Variants in CIB4 observed in about 807,000 individuals in gnomAD.
CIB4 encodes calcium and integrin-binding family member 4.
A neutral mutation model predicts 25.8 loss-of-function variants in CIB4; 25 were observed. The observed-to-expected ratio is 0.97, with a 90% confidence interval of 0.71 to 1.35. The LOEUF is 1.35. Among genes scored for constraint, CIB4 ranks in the 40% most tolerant of loss-of-function variants. The pLI is 0.00. For synonymous variants in CIB4, 75 were observed against 81.4 expected (o/e 0.92, Z 0.42); for missense variants, 235 against 228.2 (o/e 1.03, Z -0.19).
chr2:26,632,452 T>C (rs1226930767), intron 2 of CIB4, among the ~76,000 whole-genome samples: 3 of 152,090 alleles, frequency 2.0e-5, no homozygotes, highest in African/African-American at 7.2e-5. Flanking sequence ...AAGTGTCCAG[T>C]GGCCTACAAG....
At chr2:26,636,575 G>C (rs533314282) in intron 2 of CIB4, among the ~76,000 whole-genome samples, 1 of 152,140 alleles carries the variant, frequency 6.6e-6, no homozygotes, top group African/African-American at 2.4e-5. Flanking sequence ...AATTCGTTTT[G>C]CCTCTAGGTT....
chr2:26,603,933 G>A (rs1179434113), intron 3 of CIB4, among the ~76,000 whole-genome samples: 3 of 149,516 alleles, frequency 2.0e-5, no homozygotes, highest in African/African-American at 7.4e-5. Flanking sequence ...AGCCCAGGAG[G>A]CAGAGATTGC....
chr2:26,635,187 A>G (rs1017089776), intron 2 of CIB4, among the ~76,000 whole-genome samples: 17 of 152,230 alleles, frequency 1.1e-4, no homozygotes, highest in African/African-American at 2.7e-4. Flanking sequence ...ATGTGAAAGG[A>G]AAGTCTCATA....
At chr2:26,616,748 A>T (rs1393921107) in intron 3 of CIB4, among the ~76,000 whole-genome samples, 6 of 152,100 alleles carry the variant, frequency 3.9e-5, no homozygotes. Context: ...CTCCTACCAC[A>T]CACATGTACA....
rs550928434 is a variant in CIB4 at position 26,583,335 on chromosome 2, G to A, written c.439-422C>T. Among the ~76,000 whole-genome samples, 101 of 152,320 alleles carry A rather than the reference G, an allele frequency of 6.6e-4. 1 individual carries two copies. Among genetic ancestry groups the A allele is most frequent in the African/African-American group, 2.0e-3 (83 of 41,566 alleles). ...TTCTGAAAGCAGAGATCCATGCCCT[G>A]ACTTGAGTTTGCAGGGCCGTCCTCG... On this transcript the variant is annotated intron_variant, in intron 5 of 6. Transcript: ENST00000288861.
chr2:26,617,026 C>T (rs1226358593), intron 3 of CIB4, among the ~76,000 whole-genome samples: 1 of 152,088 alleles, frequency 6.6e-6, no homozygotes, highest in Non-Finnish European at 1.5e-5. Context: ...ATGGTCACTC[C>T]CAGCCTCCCC....
chr2:26,606,787 T>C (rs1331843197), intron 3 of CIB4, among the ~76,000 whole-genome samples: 1 of 152,126 alleles, frequency 6.6e-6, no homozygotes, highest in East Asian at 1.9e-4. Flanking sequence ...CCCCTGTGTT[T>C]GAGATGCTCA....
chr2:26,607,190 G>A (rs898364352), intron 3 of CIB4, among the ~76,000 whole-genome samples: 1 of 152,170 alleles, frequency 6.6e-6, no homozygotes, highest in Non-Finnish European at 1.5e-5. Flanking sequence ...GCAGTGGAGC[G>A]AGCAGAGGCT....
intron 2 of CIB4, among the ~76,000 whole-genome samples, chr2:26,634,778 G>A (rs910104361): frequency 2.0e-5 from 3 of 152,354 alleles, no homozygotes; most frequent in East Asian, 3.9e-4. Context: ...ACCTCCAGAG[G>A]TTCTAGGAAG....
chr2:26,630,217 C>T (rs2586890), intron 2 of CIB4, among the ~76,000 whole-genome samples: 1 of 152,146 alleles, frequency 6.6e-6, no homozygotes, highest in African/African-American at 2.4e-5. Flanking sequence ...GGGAGCTCTG[C>T]CTCAGGCTAA....
intron 3 of CIB4, among the ~76,000 whole-genome samples, chr2:26,619,800 C>T (rs948505520): frequency 6.7e-6 from 1 of 150,124 alleles, no homozygotes; most frequent in South Asian, 2.1e-4. Context: ...AACCAAAGCC[C>T]ACAGCGGGGA....
intron 4 of CIB4, among the ~76,000 whole-genome samples, chr2:26,588,991 T>TTCTTCTTCTTCC (rs1558554522): frequency 1.8e-3 from 11 of 6,082 alleles, no homozygotes; most frequent in African/African-American, 5.1e-3. Flanking sequence ...CTTCTTCTTC[T>TTCTTCTTCTTCC]TCTTCTTCTT....
At chr2:26,613,872 G>A (rs1043300180) in intron 3 of CIB4, among the ~76,000 whole-genome samples, 7 of 152,214 alleles carry the variant, frequency 4.6e-5, no homozygotes, top group African/African-American at 1.7e-4. Context: ...CTCTGCACCT[G>A]GGTGAATGTG....
rs527637568 is a variant in CIB4 at position 26,625,934 on chromosome 2, G to T, written c.186+3476C>A. ...GTATAAGGTATAAGGAAGGCATCTG[G>T]TTTCACATTTTCTGCATATGGCTAG... On this transcript the variant is annotated intron_variant, in intron 3 of 6. Coordinates refer to ENST00000288861, the MANE Select transcript of CIB4 (RefSeq NM_001029881.3). Among the ~76,000 whole-genome samples, 3 of 152,254 alleles carry T rather than the reference G, an allele frequency of 2.0e-5. No individual in the cohort carries two copies. The South Asian group carries it at 6.2e-4, about 32-fold the overall frequency.
intron 3 of CIB4, among the ~76,000 whole-genome samples, chr2:26,610,643 A>G (rs1448505582): frequency 6.6e-6 from 1 of 152,144 alleles, no homozygotes; most frequent in African/African-American, 2.4e-5. Context: ...CACCTTATCT[A>G]TACCTTCCCT....
intron 2 of CIB4, among the ~76,000 whole-genome samples, chr2:26,635,170 C>A (rs17005539): frequency 0.022 from 3,365 of 152,302 alleles, 127 homozygotes; most frequent in African/African-American, 0.077. Flanking sequence ...TTGCTGAGAT[C>A]AAAAACATGT....
chr2:26,600,566 T>C lies in CIB4; in HGVS notation c.187-5249A>G, dbSNP rs561913099. The stretch of plus-strand genomic sequence containing the variant: ...AGGTCAGTCCTTCCTCAGTCTTGAG[T>C]GGAGTCCTCAGTTTACCTGAAGCAC... On this transcript the variant is annotated intron_variant, in intron 3 of 6. Transcript: ENST00000288861. 3.3e-5 allele frequency among the ~76,000 whole-genome samples: 5 copies of C among 152,276 alleles called. No homozygotes were observed. The East Asian group carries it at 9.6e-4, about 29-fold the overall frequency.
chr2:26,614,919 C>T (rs533902085), intron 3 of CIB4, among the ~76,000 whole-genome samples: 4 of 152,336 alleles, frequency 2.6e-5, no homozygotes, highest in African/African-American at 9.6e-5. Flanking sequence ...ATGCGCCCTG[C>T]TCTTGGGAGC....
rs145900028 is a variant in CIB4, at chr2:26,627,521, C to T, written c.186+1889G>A. On this transcript the variant is annotated intron_variant, in intron 3 of 6. Coordinates refer to ENST00000288861, the MANE Select transcript of CIB4 (RefSeq NM_001029881.3). The surrounding 1 kb of genome is among the most constrained non-coding windows in gnomAD (Gnocchi z 4.0). ...CTGCCTGTCTGGCTGGCCCTGACCC[C>T]GGGTCCCTTAGTGGATGGCCTGGGT... is the stretch of plus-strand genomic sequence containing the variant. Among the ~76,000 whole-genome samples, 154 of 152,250 alleles carry T rather than the reference C, an allele frequency of 1.0e-3. 1 individual carries two copies. The highest frequency in any genetic ancestry group is 3.5e-3 in the African/African-American group (145 of 41,534).
Sources: allele counts gnomAD v4.1 joint callset (sites outside exome capture counted in the v4.1 genomes callset), GRCh38; gene constraint gnomAD v4.1.1; non-coding constraint Gnocchi (gnomAD v3.1); transcripts MANE v1.5; gene names NCBI Gene and HGNC (gene_info 2026-07-23, HGNC 2026-07-21).